EED: variants seen among roughly 807,000 people sequenced by gnomAD.
The protein encoded by EED is embryonic ectoderm development, also known as polycomb protein EED.
EED carries 9 observed loss-of-function variants against 61.0 expected under a neutral mutation model. The ratio of observed to expected loss-of-function variants is 0.15; its 90% CI spans 0.09 to 0.26. The LOEUF is 0.26. Ranked by LOEUF, EED falls within the 10% of genes least tolerant of loss-of-function variation. The pLI, the probability that EED is intolerant of heterozygous loss-of-function variation, is 1.00. For missense variants in EED, 315 were observed against 542.3 expected, an observed-to-expected ratio of 0.58 and a Z score of 4.16; for synonymous variants, 187 against 174.4, an observed-to-expected ratio of 1.07 and a Z score of -0.57.
chr11:86,272,555 C>T (rs1179866762), intron 9 of EED, among the ~76,000 whole-genome samples: 4 of 152,112 alleles, frequency 2.6e-5, no homozygotes, highest in South Asian at 2.1e-4. Context: ...TATCCTTGTT[C>T]GGTGTCTACT....
At position 86,264,257 on chromosome 11, in the gene EED, A is replaced by G; in HGVS notation, c.720A>G (p.Leu240=). 1 of 1,612,874 alleles carries G rather than the reference A, an allele frequency of 6.2e-7. No homozygotes were observed. Among genetic ancestry groups the G allele is most frequent in the Non-Finnish European group, 8.5e-7 (1 of 1,178,890 alleles). Reference sequence around the variant, plus strand: ...TAGAAGGGCACAGAGATGAAGTTCTAAGTGCTGTAAGTTGGAAACTGCAGG... The same window carrying G: ...TAGAAGGGCACAGAGATGAAGTTCTGAGTGCTGTAAGTTGGAAACTGCAGG... ...GGVEGHRDEV[L]SADYDLLGEK... The change falls in exon 7 of 12, where the codon CTA becomes CTG. Residue 240 remains leucine, a synonymous_variant. Coordinates refer to ENST00000263360, the MANE Select transcript of EED (RefSeq NM_003797.5).
chr11:86,260,855 T>C (rs1475295368), intron 6 of EED, among the ~76,000 whole-genome samples: 2 of 152,194 alleles, frequency 1.3e-5, no homozygotes, highest in Non-Finnish European at 2.9e-5. Flanking sequence ...TTTCTGAACT[T>C]ACTGTCTTAG....
At chr11:86,252,078 GGTTA>G (rs1945546265) in intron 2 of EED, 66 bp from the exon 3 acceptor site, 6 of 1,238,444 alleles carry the variant, frequency 4.8e-6, no homozygotes, top group Non-Finnish European at 6.9e-6. Context: ...GAAGGGGATA[GGTTA>G]GTTTACTGTC....
At chr11:86,267,114 C>A (rs1296862818) in intron 8 of EED, among the ~76,000 whole-genome samples, 1 of 152,070 alleles carries the variant, frequency 6.6e-6, no homozygotes, top group Non-Finnish European at 1.5e-5. Flanking sequence ...GGAATAAATA[C>A]AAACTATATT....
intron 9 of EED, among the ~76,000 whole-genome samples, chr11:86,275,449 C>G (rs185881350): frequency 6.6e-6 from 1 of 152,276 alleles, no homozygotes; most frequent in Non-Finnish European, 1.5e-5. Context: ...TTTCCTAGAC[C>G]TCACCTTCAG....
intron 6 of EED, among the ~76,000 whole-genome samples, chr11:86,263,662 T>C (rs1945899598): frequency 6.6e-6 from 1 of 152,190 alleles, no homozygotes; most frequent in Non-Finnish European, 1.5e-5. Flanking sequence ...GTTACAAGCA[T>C]GAGCCACCGT....
At chr11:86,280,188 T>C (rs1374121658), downstream of EED, among the ~76,000 whole-genome samples, 1 of 152,178 alleles carries the variant, frequency 6.6e-6, no homozygotes, top group Non-Finnish European at 1.5e-5. Flanking sequence ...TCTCCCAGGC[T>C]CAAGTGATTC....
rs568704875 is a variant in EED, at chr11:86,244,832, G to C, written c.-398G>C. 1 of 243,224 alleles carries C rather than the reference G, an allele frequency of 4.1e-6. No homozygotes were observed. The highest frequency in any genetic ancestry group is 6.0e-5 in the East Asian group (1 of 16,540). 15.1% of individuals were successfully genotyped at this position (243,224 alleles called of 1,614,324 possible). ...ATTGCGGCTGAAACGTCTTTGGAAG[G>C]AGGAAGGGGGTGAGGGAGCATCCCT... On this transcript the variant is annotated 5_prime_UTR_variant, in exon 1 of 12. Transcript: ENST00000263360.
intron 3 of EED, among the ~76,000 whole-genome samples, chr11:86,255,013 C>T (rs148523324): frequency 3.3e-4 from 50 of 152,304 alleles, no homozygotes; most frequent in African/African-American, 1.1e-3. Flanking sequence ...GAAATCGAAA[C>T]GACTATTACT....
chr11:86,268,740 C>T (rs1383661778), intron 9 of EED, among the ~76,000 whole-genome samples, 179 bp downstream of exon 9: 1 of 151,988 alleles, frequency 6.6e-6, no homozygotes, highest in Admixed American at 6.6e-5. Flanking sequence ...TATTTAGAAA[C>T]TTGTTTTAAG....
chr11:86,254,973 G>A (rs1366352827), intron 3 of EED, among the ~76,000 whole-genome samples: 5 of 152,216 alleles, frequency 3.3e-5, no homozygotes, highest in African/African-American at 9.6e-5. Context: ...CTAGGCAATT[G>A]AATGGATGAA....
At position 86,276,961 on chromosome 11, in the gene EED, A is replaced by T. The variant is rs1240402040; in HGVS notation, c.967-19A>T. On this transcript the variant is annotated intron_variant, in intron 9 of 11. Coordinates refer to ENST00000263360, the MANE Select transcript of EED (RefSeq NM_003797.5). ...TTCCTCATTAACATTTCTTTTTCTC[A>T]TTTCTCTCTCTGTTTTAGTCTTGTG... is the stretch of plus-strand genomic sequence containing the variant. The T allele has an allele frequency of 6.8e-7, 1 of 1,467,250 alleles. No individual in the cohort carries two copies. The allele number at this position is 1,467,250 out of a possible 1,614,324, so 90.9% of individuals were successfully genotyped here. A position where few individuals can be genotyped will look rare whatever the true frequency, so the allele number is the denominator to read the frequency against.
chr11:86,265,435 T>C (rs1005815006), intron 7 of EED: 1 of 152,196 alleles, frequency 6.6e-6, no homozygotes, highest in Non-Finnish European at 1.5e-5. Flanking sequence ...ATTATGTGCC[T>C]TTTGCTAAAT....
chr11:86,245,186 G>A lies in EED; in HGVS notation c.-44G>A. ...GCTTGCTTGACGGCGGTGTGGCGGA[G>A]GCCCCGCCCCAGGCGGCAGGAACCT... On this transcript the variant is annotated 5_prime_UTR_variant, in exon 1 of 12. Coordinates refer to ENST00000263360, the MANE Select transcript of EED (RefSeq NM_003797.5). 1 of 1,551,812 alleles carries A rather than the reference G, an allele frequency of 6.4e-7. No individual in the cohort carries two copies. The highest frequency in any genetic ancestry group is 1.1e-5 in the South Asian group (1 of 88,886).
intron 3 of EED, 87 bp downstream of exon 3, chr11:86,252,327 C>A: frequency 1.0e-6 from 1 of 961,472 alleles, no homozygotes; most frequent in Non-Finnish European, 1.6e-6. Flanking sequence ...TTTCAAAGTG[C>A]ATTTTGTGAA....
At chr11:86,258,041 G>A (rs1375610932) in intron 6 of EED, among the ~76,000 whole-genome samples, 1 of 151,966 alleles carries the variant, frequency 6.6e-6, no homozygotes, top group Non-Finnish European at 1.5e-5. Flanking sequence ...GACAGGTCCT[G>A]TTTTATTTTA....
At chr11:86,250,646 T>A (rs1945508487) in intron 2 of EED, among the ~76,000 whole-genome samples, 198 bp downstream of exon 2, 1 of 152,168 alleles carries the variant, frequency 6.6e-6, no homozygotes. Flanking sequence ...TTTGGTTTTG[T>A]TTTTTGTTGT....
In EED at chr11:86,278,456, C is replaced by T. The variant is rs751819549; in HGVS notation, c.1257C>T (p.Ser419=). Residue 419 remains serine, a synonymous_variant, in exon 12 of 12, where the codon AGC becomes AGT. Transcript: ENST00000263360. ...CTGCTATTCGACAAACCAGTTTTAG[C>T]AGGGATAGCAGCATTCTTATAGCTG... ...CGAAIRQTSF[S]RDSSILIAVC... is the part of the protein sequence containing the mutation. 14 of 1,613,436 alleles carry T rather than the reference C, an allele frequency of 8.7e-6. No individual in the cohort carries two copies. The Admixed American group carries it at 1.3e-4, about 15-fold the overall frequency.
chr11:86,254,323 G>GTT (rs572030833), intron 3 of EED, among the ~76,000 whole-genome samples: 21 of 139,794 alleles, frequency 1.5e-4, no homozygotes, highest in African/African-American at 3.4e-4. Flanking sequence ...ATTTTTTATG[G>GTT]TTTTTTTTTT....
Sources: gnomAD v4.1 joint callset for allele counts (sites outside exome capture counted in the v4.1 genomes callset) on GRCh38, gnomAD v4.1.1 for gene constraint, MANE v1.5 for transcripts, NCBI Gene and HGNC (gene_info 2026-07-23, HGNC 2026-07-21) for gene names.